Variants in RNF182 observed in about 807,000 individuals in gnomAD.
RNF182 encodes the protein E3 ubiquitin-protein ligase RNF182.
A neutral mutation model predicts 14.4 loss-of-function variants in RNF182; 15 were observed. The observed-to-expected ratio is 1.04, with a 90% CI of 0.70 to 1.60. The LOEUF (loss-of-function observed/expected upper bound fraction) is 1.60. Ranked by LOEUF, RNF182 falls within the 40% of genes most tolerant of loss-of-function variation. The pLI, the probability that RNF182 is intolerant of heterozygous loss-of-function variation, is 0.00. For synonymous variants in RNF182, 128 were observed against 122.9 expected, an observed-to-expected ratio of 1.04 and a Z score of -0.27; for missense variants, 268 against 294.8, an observed-to-expected ratio of 0.91 and a Z score of 0.67.
chr6:13,977,891 C>T lies in RNF182; in HGVS notation c.*28C>T. The T allele has an allele frequency of 6.4e-7, 1 of 1,568,900 alleles. No individual in the cohort carries two copies. Among genetic ancestry groups the T allele is most frequent in the Non-Finnish European group, 8.6e-7 (1 of 1,158,874 alleles). ...GATATGCAAAATAAGAAATTGGACA[C>T]ACATTGCCCTGTTTGAGTGTGAAGT... On this transcript the variant is annotated 3_prime_UTR_variant, in exon 3 of 3. Transcript: ENST00000488300.
At chr6:13,946,196 C>T (rs1426688149) in intron 1 of RNF182, among the ~76,000 whole-genome samples, 3 of 127,838 alleles carry the variant, frequency 2.3e-5, no homozygotes, top group Non-Finnish European at 5.1e-5. Flanking sequence ...AGATAGAGTC[C>T]TGCTCTGTTG....
At position 13,963,408 on chromosome 6, in the gene RNF182, A is replaced by C. The variant is rs1038916205; in HGVS notation, c.-366-10802A>C. Among the ~76,000 whole-genome samples the C allele has an allele frequency of 2.6e-5, 4 of 152,218 alleles. No homozygotes were observed. The East Asian group carries it at 7.7e-4, about 29-fold the overall frequency. ...TTATCTATTGTTACAAAAGCACCTC[A>C]AAACTAGTGGCTGGAAACAACAGCC... On this transcript the variant is annotated intron_variant, in intron 1 of 2. Coordinates refer to ENST00000488300, the MANE Select transcript of RNF182 (RefSeq NM_152737.4).
At chr6:13,942,352 T>C (rs887073597) in intron 1 of RNF182, among the ~76,000 whole-genome samples, 4 of 152,026 alleles carry the variant, frequency 2.6e-5, no homozygotes, top group African/African-American at 9.7e-5. Flanking sequence ...TTAAAAAAAA[T>C]TTTTTTTGAG....
chr6:13,949,755 T>G (rs980924022), intron 1 of RNF182: 7 of 183,728 alleles, frequency 3.8e-5, no homozygotes, highest in Non-Finnish European at 8.1e-5. Context: ...AAACTTGATG[T>G]AAATTGTACC....
intron 1 of RNF182, among the ~76,000 whole-genome samples, chr6:13,934,100 T>G (rs151156733): frequency 4.1e-4 from 63 of 152,310 alleles, no homozygotes; most frequent in African/African-American, 1.3e-3. Context: ...GTATTTTTCA[T>G]TGTTTCAGTT....
intron 1 of RNF182, among the ~76,000 whole-genome samples, chr6:13,939,711 T>G (rs536008624): frequency 6.6e-6 from 1 of 151,962 alleles, no homozygotes; most frequent in African/African-American, 2.4e-5. Flanking sequence ...GCCTGGCTAA[T>G]TTTTTGTATT....
intron 1 of RNF182, among the ~76,000 whole-genome samples, chr6:13,930,272 C>T (rs1758933415): frequency 1.3e-5 from 2 of 152,174 alleles, no homozygotes; most frequent in African/African-American, 4.8e-5. Context: ...AAATACTATG[C>T]CATGTTATAC....
intron 1 of RNF182, chr6:13,925,287 C>T (rs1225003733): frequency 6.6e-6 from 1 of 151,630 alleles, no homozygotes; most frequent in African/African-American, 2.4e-5. Flanking sequence ...GCGGGCTGCA[C>T]CTGCTCAGGG....
chr6:13,977,244 G>C lies in RNF182; in HGVS notation c.125G>C (p.Arg42Thr). Residue 42 changes from arginine (R) to threonine (T), a missense_variant, in exon 3 of 3, where the codon AGG (arginine) becomes ACG (threonine). By Grantham distance (71) the Arg-to-Thr change is moderately conservative (BLOSUM62 -1). Transcript: ENST00000488300. ...RKPKVLECCHRVCAKCLYKII... is the reference protein window; with the variant it reads ...RKPKVLECCHTVCAKCLYKII... The stretch of plus-strand genomic sequence containing the variant: ...CCCAAAGTGCTGGAGTGTTGTCATA[G>C]GGTTTGTGCCAAATGCCTCTACAAG... The C allele has an allele frequency of 6.2e-7, 1 of 1,614,180 alleles. No homozygotes were observed. Among genetic ancestry groups the C allele is most frequent in the Non-Finnish European group, 8.5e-7 (1 of 1,180,020 alleles).
intron 1 of RNF182, among the ~76,000 whole-genome samples, chr6:13,927,285 T>C (rs1325096254): frequency 6.6e-6 from 1 of 152,206 alleles, no homozygotes; most frequent in Non-Finnish European, 1.5e-5. Flanking sequence ...TACTATGATA[T>C]CTGCAATATG....
rs752212684 is a variant in RNF182, at chr6:13,977,586, C to T, written c.467C>T (p.Ala156Val). Reference protein sequence around the residue: ...STPVVEFYRPASFDSVTTVSH... With the variant: ...STPVVEFYRPVSFDSVTTVSH... ...CCTGTGGTAGAATTTTATAGGCCTG[C>T]GAGTTTCGACTCTGTCACCACTGTG... The change falls in exon 3 of 3, where the codon GCG (alanine) becomes GTG (valine). Residue 156 changes from alanine to valine, a missense_variant. Ala to Val is a moderately conservative substitution (Grantham distance 64, BLOSUM62 0). Coordinates refer to ENST00000488300, the MANE Select transcript of RNF182 (RefSeq NM_152737.4). 10 of 1,614,036 alleles carry T rather than the reference C, an allele frequency of 6.2e-6. No individual in the cohort carries two copies. The highest frequency in any genetic ancestry group is 1.3e-5 in the African/African-American group (1 of 74,922).
At chr6:13,970,960 GATAACAC>G (rs1760158564) in intron 1 of RNF182, among the ~76,000 whole-genome samples, 1 of 151,834 alleles carries the variant, frequency 6.6e-6, no homozygotes, top group Non-Finnish European at 1.5e-5. Context: ...TACTGTGAAA[GATAACAC>G]TAGTACAGAA....
intron 1 of RNF182, among the ~76,000 whole-genome samples, chr6:13,964,565 G>A (rs550859810): frequency 6.6e-6 from 1 of 152,168 alleles, no homozygotes; most frequent in South Asian, 2.1e-4. Context: ...TGATCCCAAC[G>A]ACTCCTGGAG....
intron 1 of RNF182, among the ~76,000 whole-genome samples, chr6:13,954,782 A>C (rs1759686369): frequency 1.3e-5 from 2 of 152,196 alleles, no homozygotes; most frequent in Non-Finnish European, 2.9e-5. Flanking sequence ...AACTAACTAC[A>C]TCCCCATGTA....
chr6:13,956,381 A>G (rs1055905038), intron 1 of RNF182, among the ~76,000 whole-genome samples: 7 of 151,042 alleles, frequency 4.6e-5, no homozygotes, highest in Middle Eastern at 3.4e-3. Flanking sequence ...CTGGAGTGCA[A>G]TGGTGTGATC....
chr6:13,971,945 A>C (rs1760195761), intron 1 of RNF182, among the ~76,000 whole-genome samples: 1 of 152,214 alleles, frequency 6.6e-6, no homozygotes, highest in African/African-American at 2.4e-5. Flanking sequence ...GGGTGCTGTT[A>C]AAAGCATTCA....
chr6:13,957,213 A>G (rs2113623692), intron 1 of RNF182, among the ~76,000 whole-genome samples: 1 of 152,334 alleles, frequency 6.6e-6, no homozygotes, highest in East Asian at 1.9e-4. Context: ...TTTAAAAAAC[A>G]CTGCAGGCTT....
At position 13,977,223 on chromosome 6, in the gene RNF182, A is replaced by G. The variant is rs1760351565; in HGVS notation, c.104A>G (p.Lys35Arg). Residue 35 changes from lysine to arginine, a missense_variant, in exon 3 of 3, where the codon AAA (lysine) becomes AGA (arginine). Coordinates refer to ENST00000488300, the MANE Select transcript of RNF182 (RefSeq NM_152737.4). ...TACAATCTGAAACAGAGGAAACCCA[A>G]AGTGCTGGAGTGTTGTCATAGGGTT... is the stretch of plus-strand genomic sequence containing the variant. ...NRYNLKQRKP[K>R]VLECCHRVCA... 1.2e-6 allele frequency: 2 copies of G among 1,614,066 alleles called. No individual in the cohort carries two copies. The highest frequency in any genetic ancestry group is 1.3e-5 in the African/African-American group (1 of 74,932).
At chr6:13,974,682 C>G (rs1051343292) in intron 2 of RNF182, among the ~76,000 whole-genome samples, 1 of 152,216 alleles carries the variant, frequency 6.6e-6, no homozygotes. Context: ...GACCTGCTGA[C>G]TGTCAAATGC....
Sources: allele counts gnomAD v4.1 joint callset (sites outside exome capture counted in the v4.1 genomes callset), GRCh38; gene constraint gnomAD v4.1.1; transcripts MANE v1.5; gene names NCBI Gene and HGNC (gene_info 2026-07-23, HGNC 2026-07-21).